Variants in DYNC2I1 observed in about 807,000 individuals in gnomAD.
DYNC2I1 encodes cytoplasmic dynein 2 intermediate chain 1.
A neutral mutation model predicts 133.4 loss-of-function variants in DYNC2I1; 89 were observed. The ratio of observed to expected loss-of-function variants is 0.67; its 90% CI spans 0.56 to 0.80. The LOEUF is 0.80. Ranked by LOEUF, DYNC2I1 falls within the 30% of genes least tolerant of loss-of-function variation. The pLI, the probability that DYNC2I1 is intolerant of heterozygous loss-of-function variation, is 0.00. For synonymous variants in DYNC2I1, 504 were observed against 484.3 expected (o/e 1.04, Z -0.54); for missense variants, 1,291 against 1,314.5 (o/e 0.98, Z 0.28).
At chr7:158,913,286 T>C (rs1847673625) in intron 13 of DYNC2I1, among the ~76,000 whole-genome samples, 190 bp downstream of exon 13, 1 of 152,242 alleles carries the variant, frequency 6.6e-6, no homozygotes, top group Non-Finnish European at 1.5e-5. Context: ...GCTGCTGAAC[T>C]ACAAGTGGGA....
chr7:158,951,995 C>T (rs1852068316), intron 4 of DYNC2I1, among the ~76,000 whole-genome samples: 1 of 152,184 alleles, frequency 6.6e-6, no homozygotes, highest in Non-Finnish European at 1.5e-5. Flanking sequence ...CTGCAAAGCT[C>T]TCACCACCAC....
downstream of DYNC2I1, among the ~76,000 whole-genome samples, chr7:158,946,563 C>T (rs1363597732): frequency 6.6e-6 from 1 of 152,260 alleles, no homozygotes; most frequent in Non-Finnish European, 1.5e-5. Context: ...GCCCTGGGGC[C>T]TTCAGCCTCT....
intron 8 of DYNC2I1, among the ~76,000 whole-genome samples, chr7:158,896,985 CTTTT>C (rs1259230058): frequency 7.6e-6 from 1 of 131,194 alleles, no homozygotes. Context: ...TGTATAATTT[CTTTT>C]TTTTTTTTTT....
intron 14 of DYNC2I1, among the ~76,000 whole-genome samples, chr7:158,918,283 C>A (rs1848678966): frequency 1.3e-5 from 2 of 152,184 alleles, no homozygotes; most frequent in African/African-American, 4.8e-5. Context: ...TTCCATCAAT[C>A]CTGTTTTGTC....
At chr7:158,841,194 TATATATATATATATATATATA>T in the DYNC2I1 span, among the ~76,000 whole-genome samples, 2 of 92,108 alleles carry the variant, frequency 2.2e-5, no homozygotes, top group Non-Finnish European at 4.0e-5. Flanking sequence ...TATATATATA[TATATATATATATATATATATA>T]TATATATTTT....
chr7:158,877,376 G>C (rs1843461523), intron 4 of DYNC2I1, among the ~76,000 whole-genome samples: 1 of 152,216 alleles, frequency 6.6e-6, no homozygotes, highest in Non-Finnish European at 1.5e-5. Flanking sequence ...CTGTGTGTTT[G>C]TGTTTTTTCT....
intron 16 of DYNC2I1, among the ~76,000 whole-genome samples, chr7:158,923,360 G>A (rs1849280293): frequency 6.6e-6 from 1 of 152,236 alleles, no homozygotes. Flanking sequence ...CAAGCCTACG[G>A]GGTGGGTTTC....
intron 21 of DYNC2I1, among the ~76,000 whole-genome samples, chr7:158,931,089 T>C (rs2129487579): frequency 6.6e-6 from 1 of 152,334 alleles, no homozygotes; most frequent in South Asian, 2.1e-4. Flanking sequence ...ATTCTTCAGT[T>C]CTCATGCAAC....
chr7:158,899,955 C>T (rs1413107608), intron 8 of DYNC2I1, among the ~76,000 whole-genome samples: 1 of 152,112 alleles, frequency 6.6e-6, no homozygotes, highest in African/African-American at 2.4e-5. Context: ...CAAATTCCCT[C>T]AATTTTGTTT....
chr7:158,852,179 T>A (rs769089530), upstream of DYNC2I1, among the ~76,000 whole-genome samples: 201 of 151,890 alleles, frequency 1.3e-3, 2 homozygotes, highest in Non-Finnish European at 1.7e-3. Context: ...TGGAGTGCAG[T>A]GGTGTGATTT....
chr7:158,901,767 A>G lies in DYNC2I1; in HGVS notation c.1088A>G (p.Glu363Gly). ...VEIEKEETDL[E>G]NARADAYTAS... ...ATTGAAAAGGAAGAAACTGATTTAG[A>G]AAATGCTAGAGCTGATGCATATACA... Residue 363 changes from glutamate to glycine, a missense_variant, in exon 9 of 25, where the codon GAA (glutamate) becomes GGA (glycine). Glu to Gly is a moderately conservative substitution (Grantham distance 98). Coordinates refer to ENST00000407559, the MANE Select transcript of DYNC2I1 (RefSeq NM_018051.5). 6.3e-7 allele frequency: 1 copy of G among 1,581,682 alleles called. No individual in the cohort carries two copies. Among genetic ancestry groups the G allele is most frequent in the Middle Eastern group, 1.7e-4 (1 of 6,012 alleles).
Position 158,930,453 on chromosome 7 carries a change from A to G in DYNC2I1, c.2486-2A>G, listed in dbSNP as rs1472095836. ...CATTGATTTTGGTTCATCTCTTTTT[A>G]GGTCTGATGCCTGGAGGGAGGGTCA... On this transcript the variant is annotated splice_acceptor_variant, in intron 20 of 24. Transcript: ENST00000407559. LOFTEE classifies it high-confidence loss of function. 6.2e-7 allele frequency: 1 copy of G among 1,611,504 alleles called. No homozygotes were observed. The highest frequency in any genetic ancestry group is 8.5e-7 in the Non-Finnish European group (1 of 1,178,858).
chr7:158,892,576 G>A (rs1845336958), intron 8 of DYNC2I1, among the ~76,000 whole-genome samples: 1 of 151,984 alleles, frequency 6.6e-6, no homozygotes, highest in Non-Finnish European at 1.5e-5. Context: ...TGAGTAGTTG[G>A]GATCATAGGC....
rs757475722 is a variant in DYNC2I1, at chr7:158,902,348, G to C, written c.1138-28G>C. On this transcript the variant is annotated intron_variant, in intron 9 of 24. Transcript: ENST00000407559. Reference sequence around the variant, plus strand: ...AATTGAAAGTCAGTTTGTCTTAAAGGGTTCCAAAAGATTATTATTGTTTGC... The same window carrying C: ...AATTGAAAGTCAGTTTGTCTTAAAGCGTTCCAAAAGATTATTATTGTTTGC... 4.9e-5 allele frequency: 78 copies of C among 1,591,154 alleles called. 2 individuals carry two copies.
At chr7:158,922,291 T>C (rs1302599788) in intron 15 of DYNC2I1, 86 bp from the exon 16 acceptor site, 1 of 1,387,858 alleles carries the variant, frequency 7.2e-7, no homozygotes, top group Non-Finnish European at 9.9e-7. Flanking sequence ...GAAGCTGAAT[T>C]TTTTTTTGAG....
chr7:158,910,997 C>T (rs181914479), intron 11 of DYNC2I1, among the ~76,000 whole-genome samples: 30 of 150,200 alleles, frequency 2.0e-4, no homozygotes, highest in Non-Finnish European at 3.8e-4. Context: ...GCGCGAATGG[C>T]TGTTTCAGGC....
intron 4 of DYNC2I1, among the ~76,000 whole-genome samples, chr7:158,878,723 G>A (rs1291820302): frequency 1.4e-5 from 2 of 142,050 alleles, no homozygotes; most frequent in African/African-American, 5.3e-5. Context: ...GAGGCGAGGA[G>A]GGCAGACTGT....
intron 4 of DYNC2I1, among the ~76,000 whole-genome samples, chr7:158,954,786 TAG>T (rs886879410): frequency 5.9e-4 from 90 of 152,380 alleles, no homozygotes; most frequent in African/African-American, 2.1e-3. Flanking sequence ...ATAGCATTTC[TAG>T]AGTCTTTTTA....
intron 1 of DYNC2I1, among the ~76,000 whole-genome samples, chr7:158,868,865 G>A (rs1315483119): frequency 6.6e-6 from 1 of 152,212 alleles, no homozygotes; most frequent in Non-Finnish European, 1.5e-5. Flanking sequence ...CTTCTTAGTA[G>A]GGTTATGAGA....
Sources: gnomAD v4.1 joint callset for allele counts (sites outside exome capture counted in the v4.1 genomes callset) on GRCh38, gnomAD v4.1.1 for gene constraint, MANE v1.5 for transcripts, NCBI Gene and HGNC (gene_info 2026-07-23, HGNC 2026-07-21) for gene names.